Variants in DAB2 observed in about 807,000 individuals in gnomAD.
DAB2 encodes DAB adaptor protein 2.
DAB2 carries 28 observed loss-of-function variants against 71.6 expected under a neutral mutation model. The observed-to-expected ratio is 0.39, with a 90% CI of 0.29 to 0.54. The LOEUF (loss-of-function observed/expected upper bound fraction) is 0.54, where lower values mean the gene tolerates loss of function less well. Ranked by LOEUF, DAB2 falls within the 20% of genes least tolerant of loss-of-function variation. DAB2 has a pLI of 0.68. For missense variants in DAB2, 867 were observed against 928.8 expected, an observed-to-expected ratio of 0.93 and a Z score of 0.86; for synonymous variants, 345 against 339.7, an observed-to-expected ratio of 1.02 and a Z score of -0.17.
At chr5:39,414,255 C>T (rs1016411934) in intron 1 of DAB2, among the ~76,000 whole-genome samples, 2 of 152,038 alleles carry the variant, frequency 1.3e-5, no homozygotes, top group African/African-American at 4.8e-5. Context: ...TCTTAATTCA[C>T]AATACAGCTG....
Position 39,394,427 on chromosome 5 carries a change from G to A in DAB2, c.-101-6C>T. On this transcript the variant is annotated splice_region_variant and splice_polypyrimidine_tract_variant and intron_variant, in intron 1 of 14. Transcript: ENST00000320816. The stretch of plus-strand genomic sequence containing the variant: ...ACATAACCTCCCACAGACACCTGTA[G>A]GCAGAGTTTAGAGGCATATTGAGAT... 2.4e-6 allele frequency: 2 copies of A among 844,190 alleles called. No individual in the cohort carries two copies. The highest frequency in any genetic ancestry group is 4.1e-6 in the Non-Finnish European group (2 of 493,358). 52.3% of individuals were successfully genotyped at this position (844,190 alleles called of 1,614,324 possible).
chr5:39,408,609 TCATTTA>T (rs770945103), intron 1 of DAB2: 1 of 152,220 alleles, frequency 6.6e-6, no homozygotes, highest in Non-Finnish European at 1.5e-5. Flanking sequence ...CAAAATATTA[TCATTTA>T]AAAAATGGTT....
intron 1 of DAB2, among the ~76,000 whole-genome samples, chr5:39,413,032 G>A (rs1335098583): frequency 6.6e-6 from 1 of 152,118 alleles, no homozygotes; most frequent in Non-Finnish European, 1.5e-5. Context: ...GGATTAGGGT[G>A]GGCGATAGCA....
rs781284852 is a variant in DAB2, at chr5:39,376,860, G to A, written c.1927C>T (p.Leu643Phe). ...ACATCCTTGATCTCTTTATCCCCAA[G>A]TGGGTCTAAGGCAGTGAAGGCATCA... The part of the protein sequence containing the change: ...SSDAFTALDP[L>F]GDKEIKDVKE... Residue 643 changes from leucine (L) to phenylalanine (F), a missense_variant, in exon 12 of 15, where the codon CTT becomes TTT. Around this residue, in one of 2 missense-constraint regions of DAB2, gnomAD observed 740 missense variants for 734.3 expected, o/e 1.01. Coordinates refer to ENST00000320816, the MANE Select transcript of DAB2 (RefSeq NM_001343.4). The A allele has an allele frequency of 5.0e-6, 8 of 1,614,144 alleles. No homozygotes were observed. The highest frequency in any genetic ancestry group is 6.8e-6 in the Non-Finnish European group (8 of 1,180,016).
In DAB2 at chr5:39,376,767, T is replaced by C; in HGVS notation, c.2020A>G (p.Thr674Ala). 1 of 1,614,156 alleles carries C rather than the reference T, an allele frequency of 6.2e-7. No homozygotes were observed. The highest frequency in any genetic ancestry group is 8.5e-7 in the Non-Finnish European group (1 of 1,180,028). ...PAVPARKGEQ[T>A]SSGTLSAFAS... is the part of the protein sequence containing the mutation. ...AAGGCACTCAAAGTCCCAGAAGAAG[T>C]CTGCTCTCCCTTCCGCGCGGGCACA... Residue 674 changes from threonine to alanine, a missense_variant, in exon 12 of 15, where the codon ACT becomes GCT. By Grantham distance (58) the Thr-to-Ala change is moderately conservative. This residue lies in a region of DAB2 where 740 missense variants were observed against 734.3 expected (regional missense o/e 1.01). Transcript: ENST00000320816.
chr5:39,420,445 T>C (rs1204904922), intron 1 of DAB2, among the ~76,000 whole-genome samples: 1 of 142,280 alleles, frequency 7.0e-6, no homozygotes, highest in African/African-American at 2.5e-5. Context: ...CTTTACTCTA[T>C]GGTTACCTGA....
chr5:39,384,610 T>C (rs1755054649), intron 9 of DAB2, among the ~76,000 whole-genome samples: 1 of 152,170 alleles, frequency 6.6e-6, no homozygotes, highest in Non-Finnish European at 1.5e-5. Context: ...TTCTCTGGTG[T>C]GTTAATTTTT....
intron 1 of DAB2, among the ~76,000 whole-genome samples, chr5:39,424,466 C>A: frequency 8.3e-6 from 1 of 120,670 alleles, no homozygotes; most frequent in Non-Finnish European, 1.7e-5. Flanking sequence ...GCCCGCAGAC[C>A]TTTTACACAC....
chr5:39,397,556 T>G (rs1755395530), intron 1 of DAB2, among the ~76,000 whole-genome samples: 1 of 152,194 alleles, frequency 6.6e-6, no homozygotes, highest in African/African-American at 2.4e-5. Flanking sequence ...TGAACAAGCC[T>G]GATTTTGGAA....
chr5:39,421,479 T>A (rs1178608538), intron 1 of DAB2, among the ~76,000 whole-genome samples: 2 of 152,172 alleles, frequency 1.3e-5, no homozygotes, highest in Non-Finnish European at 2.9e-5. Context: ...CCATGTAACC[T>A]GCAACCCTGT....
chr5:39,381,857 G>A (rs891645769), intron 10 of DAB2, among the ~76,000 whole-genome samples: 9 of 152,228 alleles, frequency 5.9e-5, no homozygotes, highest in African/African-American at 2.2e-4. Flanking sequence ...CTTGCAAAGT[G>A]AAATCTACTA....
chr5:39,383,283 G>C lies in DAB2; in HGVS notation c.688-12C>G. ...ATATCTTTGCTTTCCTATCACATTT[G>C]GAAAGAAAAAAAAAGAAAGTGTTAG... is the stretch of plus-strand genomic sequence containing the variant. On this transcript the variant is annotated splice_polypyrimidine_tract_variant and intron_variant, in intron 9 of 14. Transcript: ENST00000320816. 6.4e-7 allele frequency: 1 copy of C among 1,567,010 alleles called. No individual in the cohort carries two copies. The highest frequency in any genetic ancestry group is 8.6e-7 in the Non-Finnish European group (1 of 1,158,564).
chr5:39,404,707 T>C (rs1755575596), intron 1 of DAB2, among the ~76,000 whole-genome samples: 1 of 152,112 alleles, frequency 6.6e-6, no homozygotes, highest in South Asian at 2.1e-4. Context: ...ACCTCCCAAG[T>C]AGCTGGGACT....
At chr5:39,373,982 C>T (rs902966656) in intron 14 of DAB2, among the ~76,000 whole-genome samples, 1 of 152,080 alleles carries the variant, frequency 6.6e-6, no homozygotes, top group Non-Finnish European at 1.5e-5. Flanking sequence ...TAATGATTTA[C>T]CCAGTTCTCT....
chr5:39,373,633 T>C (rs1043229323), intron 14 of DAB2, among the ~76,000 whole-genome samples: 1 of 152,078 alleles, frequency 6.6e-6, no homozygotes, highest in Non-Finnish European at 1.5e-5. Flanking sequence ...CCCATGAGAG[T>C]TCCCCTTACC....
At chr5:39,389,380 T>G (rs1755171629) in intron 6 of DAB2, among the ~76,000 whole-genome samples, 1 of 152,000 alleles carries the variant, frequency 6.6e-6, no homozygotes, top group African/African-American at 2.4e-5. Context: ...AGCCAGGGAG[T>G]GCAGATTAGA....
In DAB2 at chr5:39,376,068, C is replaced by G; in HGVS notation, c.2176G>C (p.Val726Leu). ...KPAPRQVSLPVTKSTDNAFEN... is the reference protein window; with the variant it reads ...KPAPRQVSLPLTKSTDNAFEN... ...AATGCATTGTCAGTAGATTTGGTAACTGGCAGGGAAACTTGTCTGGGAGCT... is the reference window on the plus strand; with the variant it reads ...AATGCATTGTCAGTAGATTTGGTAAGTGGCAGGGAAACTTGTCTGGGAGCT... The change falls in exon 13 of 15, where the codon GTT becomes CTT. Residue 726 changes from valine to leucine, a missense_variant. Around this residue, in one of 2 missense-constraint regions of DAB2, gnomAD observed 740 missense variants for 734.3 expected, o/e 1.01. Coordinates refer to ENST00000320816, the MANE Select transcript of DAB2 (RefSeq NM_001343.4). 1.2e-6 allele frequency: 2 copies of G among 1,614,002 alleles called. No homozygotes were observed. The highest frequency in any genetic ancestry group is 1.7e-6 in the Non-Finnish European group (2 of 1,179,976).
At chr5:39,375,167 T>A in intron 13 of DAB2, 83 bp from the exon 14 acceptor site, 2 of 1,005,956 alleles carry the variant, frequency 2.0e-6, no homozygotes, top group Non-Finnish European at 3.1e-6. Flanking sequence ...AAAATTCTTT[T>A]AAAAATCGCT....
Position 39,422,130 on chromosome 5 carries a change from C to T in DAB2, c.-102+2674G>A, listed in dbSNP as rs1262814428. ...TCACCTAAATATGATTTTGGCCAAC[C>T]TTTGTGCAATTCAGCGGCACAGCTT... On this transcript the variant is annotated intron_variant, in intron 1 of 14. Coordinates refer to ENST00000320816, the MANE Select transcript of DAB2 (RefSeq NM_001343.4). The surrounding 1 kb of genome is among the most constrained non-coding windows in gnomAD (Gnocchi z 4.1). Among the ~76,000 whole-genome samples the T allele has an allele frequency of 6.6e-6, 1 of 151,870 alleles. No individual in the cohort carries two copies. The highest frequency in any genetic ancestry group is 1.5e-5 in the Non-Finnish European group (1 of 67,822).
Sources: gnomAD v4.1 joint callset for allele counts (sites outside exome capture counted in the v4.1 genomes callset) on GRCh38, gnomAD v4.1.1 for gene constraint, gnomAD v4.1.1 regional missense constraint, Gnocchi (gnomAD v3.1) non-coding constraint, MANE v1.5 for transcripts, NCBI Gene and HGNC (gene_info 2026-07-23, HGNC 2026-07-21) for gene names.